EEF2KMT: variants seen among roughly 807,000 people sequenced by gnomAD.
EEF2KMT encodes eukaryotic elongation factor 2 lysine methyltransferase, also known as protein-lysine N-methyltransferase EEF2KMT.
A neutral mutation model predicts 35.1 loss-of-function variants in EEF2KMT; 30 were observed. The ratio of observed to expected loss-of-function variants is 0.85; its 90% CI spans 0.64 to 1.16. EEF2KMT has a LOEUF of 1.16. EEF2KMT is among the 50% of genes most tolerant of loss of function. The probability of loss-of-function intolerance (pLI) is 0.00; values close to 1 mark genes in which losing one functional copy is unlikely to be tolerated. For synonymous variants in EEF2KMT, 190 were observed against 187.7 expected, an observed-to-expected ratio of 1.01 and a Z score of -0.10; for missense variants, 499 against 438.2, an observed-to-expected ratio of 1.14 and a Z score of -1.24.
Position 5,095,489 on chromosome 16 carries a change from G to A in EEF2KMT, c.122C>T (p.Ser41Leu), listed in dbSNP as rs1251908649. 1 of 1,611,488 alleles carries A rather than the reference G, an allele frequency of 6.2e-7. No homozygotes were observed. Among genetic ancestry groups the A allele is most frequent in the South Asian group, 1.1e-5 (1 of 90,986 alleles). The change falls in exon 2 of 8, where the codon TCA becomes TTA. Residue 41 changes from serine (S) to leucine (L), a missense_variant. By Grantham distance (145) the Ser-to-Leu change is moderately radical (BLOSUM62 -2). Transcript: ENST00000427587. ...ATCCCGCAGCAGCTCAGAATCTGAT[G>A]AGTCTCTTAACTTTGCTTCTAAGCT... ...WQSLEAKLRDSSDSELLRDIL... is the reference protein window; with the variant it reads ...WQSLEAKLRDLSDSELLRDIL...
intron 1 of EEF2KMT, among the ~76,000 whole-genome samples, chr16:5,096,511 C>T (rs1274579821): frequency 6.6e-6 from 1 of 152,146 alleles, no homozygotes; most frequent in Admixed American, 6.5e-5. Flanking sequence ...GGCACTGATC[C>T]ACAGGCTTTT....
intron 2 of EEF2KMT, among the ~76,000 whole-genome samples, chr16:5,095,223 T>C (rs1174466716): frequency 1.3e-5 from 2 of 152,254 alleles, no homozygotes; most frequent in Non-Finnish European, 2.9e-5. Context: ...CCCCCTCTCA[T>C]TGCAGGTTTT....
intron 2 of EEF2KMT, among the ~76,000 whole-genome samples, chr16:5,094,178 A>T (rs1350696016): frequency 6.6e-6 from 1 of 152,216 alleles, no homozygotes; most frequent in Non-Finnish European, 1.5e-5. Flanking sequence ...GACGGTCCAC[A>T]GTGCCTGCTG....
intron 7 of EEF2KMT, chr16:5,087,021 C>A (rs1055697): frequency 6.6e-6 from 1 of 152,048 alleles, no homozygotes; most frequent in East Asian, 1.9e-4. Flanking sequence ...GTGGAAAATG[C>A]GTATTTATAA....
chr16:5,085,015 T>A lies in EEF2KMT; in HGVS notation c.*617A>T, dbSNP rs1382954002. 3 of 1,502,736 alleles carry A rather than the reference T, an allele frequency of 2.0e-6. No individual in the cohort carries two copies. Among genetic ancestry groups the A allele is most frequent in the Non-Finnish European group, 2.7e-6 (3 of 1,101,838 alleles). The allele number at this position is 1,502,736 out of a possible 1,614,324, so 93.1% of individuals were successfully genotyped here. A position where few individuals can be genotyped will look rare whatever the true frequency, so the allele number is the denominator to read the frequency against. ...CTGAAATGACAGCAGTGGTACTGCC[T>A]GGTAAAAGAATTGGTTCTGTGACCC... is the stretch of plus-strand genomic sequence containing the variant. On this transcript the variant is annotated 3_prime_UTR_variant, in exon 8 of 8. Coordinates refer to ENST00000427587, the MANE Select transcript of EEF2KMT (RefSeq NM_201400.4).
At chr16:5,085,952 G>A (rs1596267177) in intron 7 of EEF2KMT, among the ~76,000 whole-genome samples, 2 of 152,202 alleles carry the variant, frequency 1.3e-5, no homozygotes, top group East Asian at 3.9e-4. Flanking sequence ...CAGGCACCGT[G>A]CCGCTGTCCA....
intron 7 of EEF2KMT, 99 bp from the exon 8 acceptor site, chr16:5,085,831 G>T: frequency 3.2e-6 from 3 of 944,368 alleles, no homozygotes; most frequent in South Asian, 2.6e-5. Flanking sequence ...GGGGTAGGGG[G>T]GTGTCCAAGT....
At chr16:5,087,834 C>A in intron 7 of EEF2KMT, among the ~76,000 whole-genome samples, 1 of 142,416 alleles carries the variant, frequency 7.0e-6, no homozygotes, top group African/African-American at 2.6e-5. Context: ...TGGGTGGGGG[C>A]TTATACTATG....
chr16:5,091,825 T>A lies in EEF2KMT; in HGVS notation c.311A>T (p.Glu104Val). Residue 104 changes from glutamate to valine, a missense_variant, in exon 4 of 8, where the codon GAG becomes GTG. By Grantham distance (121) the Glu-to-Val change is moderately radical. Coordinates refer to ENST00000427587, the MANE Select transcript of EEF2KMT (RefSeq NM_201400.4). ...EALAETLMAKESTQGHRSYLL... is the reference protein window; with the variant it reads ...EALAETLMAKVSTQGHRSYLL... ...ATAGCTCCGGTGGCCCTGGGTGGAC[T>A]CCTTGGCCATCAGGGTCTCCGCCAG... The A allele has an allele frequency of 6.8e-6, 11 of 1,611,850 alleles. No homozygotes were observed. In the South Asian group the frequency reaches 1.2e-4, roughly 18 times the overall value.
In EEF2KMT at chr16:5,090,572, C is replaced by T. The variant is rs1452156943; in HGVS notation, c.343-7G>A. 20 of 1,611,954 alleles carry T rather than the reference C, an allele frequency of 1.2e-5. No individual in the cohort carries two copies. Among genetic ancestry groups the T allele is most frequent in the Non-Finnish European group, 1.7e-5 (20 of 1,179,848 alleles). ...TGACCGAGCCTCCCGAGGGCTGCAC[C>T]AAGAGAAGGCGAGAGAGTCAGTCCA... On this transcript the variant is annotated splice_polypyrimidine_tract_variant and splice_region_variant and intron_variant, in intron 4 of 7. Transcript: ENST00000427587. The surrounding 1 kb of genome is among the most constrained non-coding windows in gnomAD (Gnocchi z 4.1).
At chr16:5,094,562 C>T (rs1957412708) in intron 2 of EEF2KMT, among the ~76,000 whole-genome samples, 1 of 152,188 alleles carries the variant, frequency 6.6e-6, no homozygotes, top group African/African-American at 2.4e-5. Flanking sequence ...TGCACCCAGC[C>T]TTGTGCTGGG....
chr16:5,097,514 C>A (rs530335229), intron 1 of EEF2KMT, 130 bp downstream of exon 1: 12 of 1,465,000 alleles, frequency 8.2e-6, no homozygotes, highest in African/African-American at 1.4e-5. Context: ...CCGGGTCGCG[C>A]GGCCCTGACC....
rs75114294 is a variant in EEF2KMT at position 5,092,652 on chromosome 16, G to A, written c.241-757C>T. On this transcript the variant is annotated intron_variant, in intron 3 of 7. Coordinates refer to ENST00000427587, the MANE Select transcript of EEF2KMT (RefSeq NM_201400.4). ...GACATCCTCATGTCAAACCCTGCAT[G>A]TTCGGGCGCATCTTTAAAATCCATC... Among the ~76,000 whole-genome samples the A allele has an allele frequency of 1.1e-4, 16 of 152,336 alleles. No individual in the cohort carries two copies. The East Asian group carries it at 2.9e-3, about 28-fold the overall frequency.
intron 1 of EEF2KMT, chr16:5,097,441 C>G: frequency 7.1e-7 from 1 of 1,411,832 alleles, no homozygotes; most frequent in Non-Finnish European, 9.3e-7. Context: ...CCCCCAGCTT[C>G]CCCCGCCAGC....
At chr16:5,093,606 T>C in intron 2 of EEF2KMT, 42 bp from the exon 3 acceptor site, 1 of 1,605,552 alleles carries the variant, frequency 6.2e-7, no homozygotes, top group South Asian at 1.1e-5. Flanking sequence ...AGAGCCCGTC[T>C]TAAGTCTCCT....
intron 1 of EEF2KMT, among the ~76,000 whole-genome samples, chr16:5,096,632 C>G (rs1284477692): frequency 6.6e-6 from 1 of 152,168 alleles, no homozygotes; most frequent in Non-Finnish European, 1.5e-5. Context: ...TCACACAGGG[C>G]CAGGGGCTGG....
chr16:5,086,648 C>G (rs1567175578), intron 7 of EEF2KMT: 3 of 151,894 alleles, frequency 2.0e-5, no homozygotes, highest in African/African-American at 4.8e-5. Flanking sequence ...CGCATGGCCT[C>G]AAGTGATGCT....
chr16:5,087,720 C>G (rs1202836434), intron 7 of EEF2KMT, among the ~76,000 whole-genome samples: 2 of 148,834 alleles, frequency 1.3e-5, no homozygotes, highest in African/African-American at 4.9e-5. Context: ...ATAGCTTGAA[C>G]CTGGGAGGTG....
rs1458834970 is a variant in EEF2KMT at position 5,090,243 on chromosome 16, C to G, written c.583G>C (p.Glu195Gln). ...IFSDCHSRVL[E>Q]QLRGNVLLNG... is the part of the protein sequence containing the mutation. ...AGAAGGACATTCCCTCGGAGCTGCT[C>G]AAGGACCCGGCTGTGACAGTCGCTG... is the stretch of plus-strand genomic sequence containing the variant. The change falls in exon 6 of 8, where the codon GAG (glutamate) becomes CAG (glutamine). Residue 195 changes from glutamate (E) to glutamine (Q), a missense_variant. Transcript: ENST00000427587. The surrounding 1 kb of genome is among the most constrained non-coding windows in gnomAD (Gnocchi z 4.1). 6.2e-7 allele frequency: 1 copy of G among 1,610,206 alleles called. No individual in the cohort carries two copies. The highest frequency in any genetic ancestry group is 8.5e-7 in the Non-Finnish European group (1 of 1,179,526).
Sources: gnomAD v4.1 joint callset for allele counts (sites outside exome capture counted in the v4.1 genomes callset) on GRCh38, gnomAD v4.1.1 for gene constraint, Gnocchi (gnomAD v3.1) non-coding constraint, MANE v1.5 for transcripts, NCBI Gene and HGNC (gene_info 2026-07-23, HGNC 2026-07-21) for gene names.